KCNIP4: variants seen among roughly 807,000 people sequenced by gnomAD.
KCNIP4 encodes the protein Kv channel-interacting protein 4.
Under a neutral mutation model 34.0 loss-of-function variants are expected in KCNIP4, and 12 were observed. The observed-to-expected ratio is 0.35, with a 90% CI of 0.23 to 0.57. KCNIP4 has a LOEUF of 0.57. KCNIP4 is among the 20% of genes least tolerant of loss of function. The pLI, the probability that KCNIP4 is intolerant of heterozygous loss-of-function variation, is 0.83. For missense variants in KCNIP4, 238 were observed against 311.7 expected (o/e 0.76, Z 1.78); for synonymous variants, 124 against 102.2 (o/e 1.21, Z -1.29).
At position 20,819,090 on chromosome 4, in the gene KCNIP4, G is replaced by A. The variant is rs1578693767; in HGVS notation, c.288+31453C>T. On this transcript the variant is annotated intron_variant, in intron 3 of 8. Coordinates refer to ENST00000382152, the MANE Select transcript of KCNIP4 (RefSeq NM_025221.6). ...GTAGAGACAGGGTTTCTCCATGTTG[G>A]TCAGGCTGGTTTTGAACTCTCGACC... 2.6e-5 allele frequency among the ~76,000 whole-genome samples: 4 copies of A among 151,858 alleles called. 1 individual carries two copies. In the East Asian group the frequency reaches 7.7e-4, roughly 29 times the overall value.
intron 1 of KCNIP4, among the ~76,000 whole-genome samples, chr4:20,923,501 A>C (rs991470735): frequency 1.3e-5 from 2 of 152,174 alleles, no homozygotes; most frequent in Non-Finnish European, 2.9e-5. Flanking sequence ...AACACAGAAA[A>C]AGCTCATTGA....
At chr4:21,523,640 T>G (rs1309409393) in intron 1 of KCNIP4, among the ~76,000 whole-genome samples, 2 of 152,026 alleles carry the variant, frequency 1.3e-5, no homozygotes, top group East Asian at 3.9e-4. Context: ...AGTACAATCA[T>G]AGCCCACTGA....
intron 1 of KCNIP4, chr4:21,729,840 A>G (rs929501804): frequency 6.6e-6 from 1 of 152,236 alleles, no homozygotes; most frequent in Non-Finnish European, 1.5e-5. Flanking sequence ...TATATGGCAC[A>G]TTACAAAACT....
At chr4:21,454,028 T>C (rs1437263004) in intron 1 of KCNIP4, among the ~76,000 whole-genome samples, 2 of 152,176 alleles carry the variant, frequency 1.3e-5, no homozygotes, top group South Asian at 2.1e-4. Flanking sequence ...TGGAGCCTAA[T>C]GAACACTCAA....
intron 1 of KCNIP4, among the ~76,000 whole-genome samples, chr4:21,714,142 T>C (rs930515846): frequency 4.6e-5 from 7 of 152,286 alleles, no homozygotes; most frequent in South Asian, 2.1e-4. Flanking sequence ...ACCTTTGAGA[T>C]GGTAGTCCCC....
chr4:21,485,425 T>C (rs987747734), intron 1 of KCNIP4, among the ~76,000 whole-genome samples: 2 of 152,126 alleles, frequency 1.3e-5, no homozygotes, highest in Non-Finnish European at 2.9e-5. Context: ...CTCCCATCCA[T>C]GCCACAGCAT....
At chr4:20,770,794 G>T (rs1003796465) in intron 3 of KCNIP4, among the ~76,000 whole-genome samples, 1 of 152,008 alleles carries the variant, frequency 6.6e-6, no homozygotes, top group Admixed American at 6.6e-5. Context: ...AATTAGCCCT[G>T]CATGGTGGTG....
At chr4:21,244,298 G>A (rs922804550) in intron 1 of KCNIP4, among the ~76,000 whole-genome samples, 3 of 152,058 alleles carry the variant, frequency 2.0e-5, no homozygotes, top group Admixed American at 1.3e-4. Context: ...CAAAGAAATG[G>A]TTTCCTTTCC....
chr4:21,043,708 C>T (rs1261141615), intron 1 of KCNIP4, among the ~76,000 whole-genome samples: 1 of 151,922 alleles, frequency 6.6e-6, no homozygotes. Context: ...CTAATATATG[C>T]CAGAAACTGC....
At chr4:21,029,511 T>C (rs1410776883) in intron 1 of KCNIP4, among the ~76,000 whole-genome samples, 3 of 152,192 alleles carry the variant, frequency 2.0e-5, no homozygotes, top group African/African-American at 7.2e-5. Flanking sequence ...CAAAACTGGA[T>C]ATGGATAAAA....
intron 1 of KCNIP4, among the ~76,000 whole-genome samples, chr4:21,187,732 T>G (rs1388132790): frequency 6.6e-6 from 1 of 152,126 alleles, no homozygotes; most frequent in Non-Finnish European, 1.5e-5. Flanking sequence ...GGTATTTTTC[T>G]CTGCCTGCAG....
At chr4:21,122,907 T>C (rs2109140521) in intron 1 of KCNIP4, among the ~76,000 whole-genome samples, 1 of 152,240 alleles carries the variant, frequency 6.6e-6, no homozygotes, top group East Asian at 1.9e-4. Context: ...TTTAAGCTAC[T>C]GGTTAAAAAT....
At chr4:20,812,589 C>T (rs934333673) in intron 3 of KCNIP4, among the ~76,000 whole-genome samples, 2 of 152,084 alleles carry the variant, frequency 1.3e-5, no homozygotes, top group South Asian at 2.1e-4. Context: ...AGGATGAACA[C>T]GTGATTGATC....
At chr4:20,823,843 T>C (rs747150004) in intron 3 of KCNIP4, among the ~76,000 whole-genome samples, 1 of 152,166 alleles carries the variant, frequency 6.6e-6, no homozygotes, top group Non-Finnish European at 1.5e-5. Context: ...CTAATGGAGA[T>C]ATTGCAATAG....
At position 21,568,465 on chromosome 4, in the gene KCNIP4, G is replaced by A. The variant is rs140537405; in HGVS notation, c.61+380106C>T. Among the ~76,000 whole-genome samples the A allele has an allele frequency of 1.7e-3, 259 of 152,268 alleles. 2 individuals carry two copies. The highest frequency in any genetic ancestry group is 6.0e-3 in the African/African-American group (248 of 41,564). On this transcript the variant is annotated intron_variant, in intron 1 of 8. Coordinates refer to ENST00000382152, the MANE Select transcript of KCNIP4 (RefSeq NM_025221.6). ...GTGTGTATCTGTAAGGGTGTTGCCA[G>A]AGGAGATTCACATTTGAGTCAGTGG...
chr4:21,474,234 G>GA (rs1033227518), intron 1 of KCNIP4, among the ~76,000 whole-genome samples: 20 of 151,900 alleles, frequency 1.3e-4, no homozygotes, highest in African/African-American at 4.8e-4. Context: ...CAGGCAAGAC[G>GA]AAAAAAATGA....
At chr4:20,773,621 C>G (rs1334423352) in intron 3 of KCNIP4, among the ~76,000 whole-genome samples, 1 of 152,158 alleles carries the variant, frequency 6.6e-6, no homozygotes, top group African/African-American at 2.4e-5. Context: ...TCCATGATAG[C>G]TAGAAAAGCG....
At position 21,776,786 on chromosome 4, in the gene KCNIP4, T is replaced by C. The variant is rs148092510; in HGVS notation, c.61+171785A>G. 2.0e-5 allele frequency among the ~76,000 whole-genome samples: 3 copies of C among 152,200 alleles called. No homozygotes were observed. In the East Asian group the frequency reaches 5.8e-4, roughly 29 times the overall value. ...GATCTAATGGTTTTATTTTATTTTT[T>C]GAGACAGAGACTCCCTCTGTCACCC... On this transcript the variant is annotated intron_variant, in intron 1 of 8. Transcript: ENST00000382152.
At chr4:20,744,360 A>T (rs867769445) in intron 5 of KCNIP4, among the ~76,000 whole-genome samples, 2 of 152,206 alleles carry the variant, frequency 1.3e-5, no homozygotes, top group Admixed American at 6.5e-5. Flanking sequence ...GTACCAACCC[A>T]AATGTCCATC....
Sources: gnomAD v4.1 joint callset for allele counts (sites outside exome capture counted in the v4.1 genomes callset) on GRCh38, gnomAD v4.1.1 for gene constraint, MANE v1.5 for transcripts, NCBI Gene and HGNC (gene_info 2026-07-23, HGNC 2026-07-21) for gene names.